HAPLN1: variants seen among roughly 807,000 people sequenced by gnomAD.
HAPLN1 encodes hyaluronan and proteoglycan link protein 1.
Under a neutral mutation model 36.5 loss-of-function variants are expected in HAPLN1, and 13 were observed. The ratio of observed to expected loss-of-function variants is 0.36; its 90% CI spans 0.23 to 0.57. HAPLN1 has a LOEUF of 0.57. HAPLN1 is among the 20% of genes least tolerant of loss of function. HAPLN1 has a pLI of 0.83. For missense variants in HAPLN1, 407 were observed against 439.7 expected, an observed-to-expected ratio of 0.93 and a Z score of 0.66; for synonymous variants, 202 against 169.8, an observed-to-expected ratio of 1.19 and a Z score of -1.48.
chr5:83,664,236 T>C (rs1750493622), intron 2 of HAPLN1, among the ~76,000 whole-genome samples: 1 of 152,124 alleles, frequency 6.6e-6, no homozygotes, highest in African/African-American at 2.4e-5. Flanking sequence ...CTCTGGTTTT[T>C]TATGTGACCG....
chr5:83,654,848 G>A (rs1417097511), intron 2 of HAPLN1, among the ~76,000 whole-genome samples: 1 of 152,132 alleles, frequency 6.6e-6, no homozygotes, highest in Non-Finnish European at 1.5e-5. Context: ...GTAGCCTTGG[G>A]CAAGTTGTGC....
In HAPLN1 at chr5:83,651,136, T is replaced by C. The variant is rs374791892; in HGVS notation, c.472+1317A>G. 8.8e-4 allele frequency among the ~76,000 whole-genome samples: 134 copies of C among 152,268 alleles called. 1 individual carries two copies. The highest frequency in any genetic ancestry group is 3.4e-3 in the Middle Eastern group (1 of 294). Reference sequence around the variant, plus strand: ...GTGAATTACTTAAGTTTAGGAAATATTTTGCTATATAAACATAGGGTTTTA... The same window carrying C: ...GTGAATTACTTAAGTTTAGGAAATACTTTGCTATATAAACATAGGGTTTTA... On this transcript the variant is annotated intron_variant, in intron 3 of 4. Transcript: ENST00000274341.
chr5:83,652,346 G>T, intron 3 of HAPLN1, 107 bp downstream of exon 3: 2 of 1,103,958 alleles, frequency 1.8e-6, no homozygotes, highest in East Asian at 2.4e-5. Flanking sequence ...CAAGGACTTT[G>T]GTTTTTCACT....
chr5:83,641,280 G>A lies in HAPLN1; in HGVS notation c.*216C>T. The stretch of plus-strand genomic sequence containing the variant: ...GTTTGGCTCTAAGTCTCCTTACATA[G>A]AGCTTCCCTTAAATTTATATTAATT... On this transcript the variant is annotated 3_prime_UTR_variant, in exon 5 of 5. Transcript: ENST00000274341. 8.0e-6 allele frequency: 2 copies of A among 249,334 alleles called. No individual in the cohort carries two copies. The highest frequency in any genetic ancestry group is 1.3e-3 in the Middle Eastern group (1 of 766). The allele number at this position is 249,334 out of a possible 1,614,324, so 15.4% of individuals were successfully genotyped here.
At chr5:83,661,245 T>C (rs1199782498) in intron 2 of HAPLN1, among the ~76,000 whole-genome samples, 1 of 149,642 alleles carries the variant, frequency 6.7e-6, no homozygotes, top group Non-Finnish European at 1.5e-5. Flanking sequence ...TCTATCCATC[T>C]ATATCTACAT....
At chr5:83,718,989 G>T (rs1751969794) in intron 1 of HAPLN1, among the ~76,000 whole-genome samples, 1 of 152,148 alleles carries the variant, frequency 6.6e-6, no homozygotes, top group African/African-American at 2.4e-5. Flanking sequence ...TAAAAGGCAG[G>T]ATTGTTTAGT....
intron 1 of HAPLN1, among the ~76,000 whole-genome samples, chr5:83,713,494 T>A (rs1751841952): frequency 6.6e-6 from 1 of 152,210 alleles, no homozygotes; most frequent in Non-Finnish European, 1.5e-5. Flanking sequence ...TGCTTCTCCC[T>A]TAGTATATCC....
intron 1 of HAPLN1, among the ~76,000 whole-genome samples, chr5:83,714,136 C>T (rs952449754): frequency 6.6e-6 from 1 of 152,074 alleles, no homozygotes; most frequent in African/African-American, 2.4e-5. Context: ...ACACCAACAG[C>T]GGCAACAGGA....
rs1749639646 is a variant in HAPLN1, at chr5:83,640,181, C to A, written c.*1315G>T. 6.6e-6 allele frequency: 1 copy of A among 152,096 alleles called. No homozygotes were observed. Among genetic ancestry groups the A allele is most frequent in the Non-Finnish European group, 1.5e-5 (1 of 67,980 alleles). 9.4% of individuals were successfully genotyped at this position (152,096 alleles called of 1,614,324 possible). A position where few individuals can be genotyped will look rare whatever the true frequency, so the allele number is the denominator to read the frequency against. On this transcript the variant is annotated 3_prime_UTR_variant, in exon 5 of 5. Transcript: ENST00000274341. ...TTGGTCCCTGTGGGGTCTCAGCAGT[C>A]ATAAAAATATAGGAAAACAGAGCTT...
chr5:83,686,182 G>A (rs1751120837), intron 1 of HAPLN1, among the ~76,000 whole-genome samples: 1 of 147,234 alleles, frequency 6.8e-6, no homozygotes, highest in Non-Finnish European at 1.5e-5. Context: ...CAAGACTTGA[G>A]GTCAAATTAC....
intron 2 of HAPLN1, among the ~76,000 whole-genome samples, chr5:83,663,257 A>G (rs1750460334): frequency 6.6e-6 from 1 of 152,212 alleles, no homozygotes; most frequent in South Asian, 2.1e-4. Flanking sequence ...CTAGAAATAC[A>G]TTTTTAATGC....
chr5:83,676,116 A>C (rs1750853743), intron 1 of HAPLN1, among the ~76,000 whole-genome samples: 1 of 152,104 alleles, frequency 6.6e-6, no homozygotes, highest in Admixed American at 6.6e-5. Flanking sequence ...CTCTGGTACC[A>C]TGAACAAAGT....
At position 83,718,345 on chromosome 5, in the gene HAPLN1, C is replaced by G. The variant is rs1391752060; in HGVS notation, c.-27+2444G>C. ...TTCAACAAACGTCAACCGAGGGAGT[C>G]AGAGTATTTTAAGAAGCCGGTGAGA... is the stretch of plus-strand genomic sequence containing the variant. On this transcript the variant is annotated intron_variant, in intron 1 of 4. Transcript: ENST00000274341. 3.3e-5 allele frequency among the ~76,000 whole-genome samples: 5 copies of G among 152,132 alleles called. No individual in the cohort carries two copies. In the East Asian group the frequency reaches 9.6e-4, roughly 29 times the overall value.
intron 1 of HAPLN1, among the ~76,000 whole-genome samples, chr5:83,707,618 A>C (rs1030154652): frequency 1.3e-5 from 2 of 152,224 alleles, no homozygotes; most frequent in Non-Finnish European, 2.9e-5. Context: ...TAAAACTAAA[A>C]ACTGTAAAAA....
intron 2 of HAPLN1, among the ~76,000 whole-genome samples, chr5:83,653,206 G>A (rs1431745560): frequency 2.0e-5 from 3 of 152,022 alleles, no homozygotes; most frequent in African/African-American, 7.2e-5. Flanking sequence ...TTGCATGATG[G>A]GTTCGTCAAT....
intron 1 of HAPLN1, among the ~76,000 whole-genome samples, chr5:83,675,091 T>C (rs1195179593): frequency 6.6e-6 from 1 of 152,226 alleles, no homozygotes; most frequent in African/African-American, 2.4e-5. Context: ...AGAACTTTTT[T>C]GAAATGCTTA....
chr5:83,703,955 C>T (rs373707821), intron 1 of HAPLN1, among the ~76,000 whole-genome samples: 9 of 150,144 alleles, frequency 6.0e-5, no homozygotes, highest in South Asian at 4.2e-4. Flanking sequence ...ATCAGATTTT[C>T]GAAGATTAAA....
intron 1 of HAPLN1, among the ~76,000 whole-genome samples, chr5:83,708,876 C>A (rs979811255): frequency 6.6e-6 from 1 of 151,904 alleles, no homozygotes; most frequent in African/African-American, 2.4e-5. Flanking sequence ...CTTTTCTTTT[C>A]TTTTCTTTTT....
chr5:83,697,258 A>G (rs1022202111), intron 1 of HAPLN1, among the ~76,000 whole-genome samples: 1 of 152,194 alleles, frequency 6.6e-6, no homozygotes, highest in African/African-American at 2.4e-5. Context: ...TCATAGAGAC[A>G]GATGTATTGA....
Sources: gnomAD v4.1 joint callset for allele counts (sites outside exome capture counted in the v4.1 genomes callset) on GRCh38, gnomAD v4.1.1 for gene constraint, MANE v1.5 for transcripts, NCBI Gene and HGNC (gene_info 2026-07-23, HGNC 2026-07-21) for gene names.